Variants in PLD5 observed in about 807,000 individuals in gnomAD.
PLD5 encodes phospholipase D family member 5.
Under a neutral mutation model 61.1 loss-of-function variants are expected in PLD5, and 36 were observed. The observed-to-expected ratio is 0.59, with a 90% CI of 0.45 to 0.78. PLD5 has a LOEUF of 0.78. PLD5 is among the 30% of genes least tolerant of loss of function. The pLI is 0.00. For synonymous variants in PLD5, 243 were observed against 242.8 expected, an observed-to-expected ratio of 1.00 and a Z score of -0.01; for missense variants, 515 against 644.4, an observed-to-expected ratio of 0.80 and a Z score of 2.17.
At chr1:242,527,114 C>CTTTTTTTTTTTTTT (rs530334746), upstream of PLD5, among the ~76,000 whole-genome samples, 197 of 71,970 alleles carry the variant, frequency 2.7e-3, 22 homozygotes, top group Non-Finnish European at 3.3e-3. Flanking sequence ...CTATCTCCTT[C>CTTTTTTTTTTTTTT]TTTTTTTTTT....
chr1:242,267,862 C>T (rs1033304719), intron 3 of PLD5, among the ~76,000 whole-genome samples: 1 of 139,834 alleles, frequency 7.2e-6, no homozygotes, highest in African/African-American at 2.7e-5. Flanking sequence ...GCCTGGGCAA[C>T]ACAGCTAGAC....
At chr1:242,454,383 A>C (rs1162688886) in intron 1 of PLD5, among the ~76,000 whole-genome samples, 1 of 152,028 alleles carries the variant, frequency 6.6e-6, no homozygotes, top group East Asian at 1.9e-4. Flanking sequence ...TCAGTCTAAC[A>C]GTCATAAAGC....
chr1:242,417,013 A>G (rs1199771484), intron 1 of PLD5, among the ~76,000 whole-genome samples: 1 of 152,202 alleles, frequency 6.6e-6, no homozygotes, highest in African/African-American at 2.4e-5. Flanking sequence ...GTTAAAAAAA[A>G]TCTATAAAAT....
intron 1 of PLD5, among the ~76,000 whole-genome samples, chr1:242,518,871 T>C (rs1669188575): frequency 6.6e-6 from 1 of 152,134 alleles, no homozygotes; most frequent in Non-Finnish European, 1.5e-5. Context: ...AGTCCGTTAG[T>C]GGGTAGATAT....
chr1:242,440,573 G>T (rs1025462676), intron 1 of PLD5, among the ~76,000 whole-genome samples: 2 of 152,228 alleles, frequency 1.3e-5, no homozygotes, highest in East Asian at 3.8e-4. Context: ...GGGCCAAGCG[G>T]ACCATATGAA....
intron 5 of PLD5, among the ~76,000 whole-genome samples, chr1:242,146,413 CATT>C (rs979581991): frequency 6.6e-6 from 1 of 152,124 alleles, no homozygotes; most frequent in Non-Finnish European, 1.5e-5. Context: ...ATTGTTGATA[CATT>C]ATATTAGTAC....
chr1:242,445,338 G>GTTGT (rs1396727436), intron 1 of PLD5, among the ~76,000 whole-genome samples: 2 of 152,070 alleles, frequency 1.3e-5, no homozygotes, highest in African/African-American at 4.8e-5. Context: ...ATTAATTTCT[G>GTTGT]TTGTTTGTTT....
At chr1:242,509,495 C>T (rs1668835922) in intron 1 of PLD5, among the ~76,000 whole-genome samples, 1 of 152,182 alleles carries the variant, frequency 6.6e-6, no homozygotes, top group Admixed American at 6.5e-5. Context: ...GGGGATATTC[C>T]ATCTGTTCCA....
chr1:242,444,417 T>A (rs1298149004), intron 1 of PLD5, among the ~76,000 whole-genome samples: 1 of 151,926 alleles, frequency 6.6e-6, no homozygotes, highest in Non-Finnish European at 1.5e-5. Flanking sequence ...ATTCATTTGA[T>A]CAATGTGGTT....
intron 2 of PLD5, among the ~76,000 whole-genome samples, chr1:242,295,377 G>C (rs1345643266): frequency 6.6e-6 from 1 of 152,188 alleles, no homozygotes; most frequent in African/African-American, 2.4e-5. Context: ...TCACGTGTAA[G>C]TGAGAACATG....
chr1:242,477,163 T>C (rs1210778795), intron 1 of PLD5, among the ~76,000 whole-genome samples: 1 of 151,906 alleles, frequency 6.6e-6, no homozygotes, highest in East Asian at 1.9e-4. Context: ...GGCAGGAGAA[T>C]TGCTTGAACC....
intron 1 of PLD5, among the ~76,000 whole-genome samples, chr1:242,403,696 G>C (rs1222962142): frequency 1.3e-5 from 2 of 151,882 alleles, no homozygotes; most frequent in African/African-American, 4.8e-5. Context: ...TCGAACCCTT[G>C]ACCTCAAGTG....
chr1:242,339,174 T>C (rs1416603073), intron 2 of PLD5, among the ~76,000 whole-genome samples: 1 of 152,150 alleles, frequency 6.6e-6, no homozygotes, highest in Admixed American at 6.5e-5. Flanking sequence ...TATTCTTTAA[T>C]TTATACTTGT....
At chr1:242,306,052 C>T (rs1301462697) in intron 2 of PLD5, among the ~76,000 whole-genome samples, 1 of 152,038 alleles carries the variant, frequency 6.6e-6, no homozygotes, top group East Asian at 1.9e-4. Context: ...CCCACAAAGG[C>T]TGGACTCTAG....
rs933393804 is a variant in PLD5, at chr1:242,086,345, C to G, written c.*3509G>C. ...CACAGGACCTAGGAAGTCTGCAAAG[C>G]ATCTCTTTACAGCATTCTTTTAAGT... On this transcript the variant is annotated 3_prime_UTR_variant, in exon 10 of 10. Transcript: ENST00000536534. 3 of 152,220 alleles carry G rather than the reference C, an allele frequency of 2.0e-5. No individual in the cohort carries two copies. Among genetic ancestry groups the G allele is most frequent in the Admixed American group, 6.5e-5 (1 of 15,274 alleles). The allele number at this position is 152,220 out of a possible 1,614,324, so 9.4% of individuals were successfully genotyped here.
At chr1:242,511,459 C>G (rs1339114632) in intron 1 of PLD5, among the ~76,000 whole-genome samples, 2 of 151,918 alleles carry the variant, frequency 1.3e-5, no homozygotes, top group Non-Finnish European at 2.9e-5. Context: ...CTACTTTCAC[C>G]AAACAATAAA....
At chr1:242,178,555 G>A (rs1331981311) in intron 5 of PLD5, among the ~76,000 whole-genome samples, 1 of 152,138 alleles carries the variant, frequency 6.6e-6, no homozygotes, top group Non-Finnish European at 1.5e-5. Context: ...CAAAGCATAG[G>A]TTTTCAGGAA....
intron 1 of PLD5, among the ~76,000 whole-genome samples, chr1:242,409,427 A>T (rs1664421155): frequency 1.3e-5 from 2 of 151,852 alleles, no homozygotes; most frequent in Non-Finnish European, 2.9e-5. Context: ...ATAAGCGGAA[A>T]ATTGTCCATG....
At chr1:242,115,236 T>A (rs1661849766) in intron 6 of PLD5, among the ~76,000 whole-genome samples, 1 of 152,086 alleles carries the variant, frequency 6.6e-6, no homozygotes, top group Non-Finnish European at 1.5e-5. Context: ...TGCCCTTCAA[T>A]CATCCTGAAA....
Sources: gnomAD v4.1 joint callset for allele counts (sites outside exome capture counted in the v4.1 genomes callset) on GRCh38, gnomAD v4.1.1 for gene constraint, MANE v1.5 for transcripts, NCBI Gene and HGNC (gene_info 2026-07-23, HGNC 2026-07-21) for gene names.